The following NDST3 variants were observed in gnomAD, a reference collection of about 807,000 sequenced individuals.
NDST3 encodes the protein N-deacetylase and N-sulfotransferase 3, also known as bifunctional heparan sulfate N-deacetylase/N-sulfotransferase 3.
NDST3 carries 58 observed loss-of-function variants against 96.1 expected under a neutral mutation model. The observed-to-expected ratio is 0.60, with a 90% CI of 0.49 to 0.75. The LOEUF (loss-of-function observed/expected upper bound fraction) is 0.75. NDST3 is among the 30% of genes least tolerant of loss of function. NDST3 has a pLI of 0.00. For missense variants in NDST3, 788 were observed against 1,034.2 expected (o/e 0.76, Z 3.27); for synonymous variants, 333 against 359.7 (o/e 0.93, Z 0.84).
chr4:118,128,846 T>C (rs1255293759), intron 4 of NDST3, among the ~76,000 whole-genome samples: 1 of 152,072 alleles, frequency 6.6e-6, no homozygotes, highest in Admixed American at 6.6e-5. Flanking sequence ...GACGTTTTAT[T>C]ATGTCTTCAA....
intron 1 of NDST3, among the ~76,000 whole-genome samples, chr4:118,035,246 T>A (rs930135132): frequency 2.0e-5 from 3 of 152,156 alleles, no homozygotes; most frequent in Non-Finnish European, 4.4e-5. Flanking sequence ...AGTTATTTAA[T>A]GTCGAAAATG....
At chr4:118,240,950 A>G (rs75239004) in intron 11 of NDST3, among the ~76,000 whole-genome samples, 1 of 152,178 alleles carries the variant, frequency 6.6e-6, no homozygotes, top group African/African-American at 2.4e-5. Flanking sequence ...AGCTTTAGAT[A>G]CGATTCTTAT....
At chr4:118,081,329 C>T (rs1009869326) in intron 2 of NDST3, among the ~76,000 whole-genome samples, 2 of 152,136 alleles carry the variant, frequency 1.3e-5, no homozygotes, top group African/African-American at 4.8e-5. Flanking sequence ...CTTATGAATT[C>T]ATTATGCTCA....
chr4:118,200,425 C>T (rs10008013), intron 6 of NDST3, among the ~76,000 whole-genome samples: 25,761 of 152,098 alleles, frequency 0.17, 2,332 homozygotes, highest in South Asian at 0.23. Context: ...GCTGCCTGGC[C>T]TGGGACTCAC....
intron 6 of NDST3, among the ~76,000 whole-genome samples, chr4:118,196,015 T>C (rs1446844018): frequency 6.6e-6 from 1 of 152,240 alleles, no homozygotes; most frequent in Admixed American, 6.5e-5. Flanking sequence ...TGTTAAGGTA[T>C]GCTCCTTCTA....
At chr4:118,193,543 G>A (rs1737454593) in intron 6 of NDST3, 1 of 1,004,406 alleles carries the variant, frequency 1.0e-6, no homozygotes, top group East Asian at 2.4e-5. Flanking sequence ...TCTCAAACGT[G>A]TTGGCGTAGA....
At chr4:118,190,336 A>G (rs1474051110) in intron 6 of NDST3, among the ~76,000 whole-genome samples, 1 of 152,196 alleles carries the variant, frequency 6.6e-6, no homozygotes, top group African/African-American at 2.4e-5. Flanking sequence ...AAAAAAAGTC[A>G]AGGTATATAG....
At chr4:118,100,889 G>A (rs563527597) in intron 2 of NDST3, among the ~76,000 whole-genome samples, 6 of 152,268 alleles carry the variant, frequency 3.9e-5, no homozygotes, top group Non-Finnish European at 5.9e-5. Flanking sequence ...GTGTACACGC[G>A]TGTGTGTAGA....
At chr4:118,231,342 A>T (rs1175755096) in intron 8 of NDST3, among the ~76,000 whole-genome samples, 4 of 66,876 alleles carry the variant, frequency 6.0e-5, no homozygotes, top group Non-Finnish European at 9.6e-5. Flanking sequence ...TCTAAAAAAA[A>T]ATAAATAAAT....
At chr4:118,176,535 T>TGA (rs1156907878) in intron 6 of NDST3, among the ~76,000 whole-genome samples, 1 of 152,110 alleles carries the variant, frequency 6.6e-6, no homozygotes, top group African/African-American at 2.4e-5. Context: ...TTGCACGTGA[T>TGA]GAGTTCACTT....
At chr4:118,169,551 T>C (rs1199529815) in intron 6 of NDST3, among the ~76,000 whole-genome samples, 4 of 152,110 alleles carry the variant, frequency 2.6e-5, no homozygotes, top group Non-Finnish European at 4.4e-5. Context: ...CCTAGCACTT[T>C]GTGAGGCTGA....
chr4:118,227,515 A>C (rs944157378), intron 8 of NDST3, among the ~76,000 whole-genome samples: 1 of 152,102 alleles, frequency 6.6e-6, no homozygotes, highest in African/African-American at 2.4e-5. Context: ...GTGCTAAGAA[A>C]GGTGTTTATT....
chr4:118,190,243 C>T (rs1465868900), intron 6 of NDST3, among the ~76,000 whole-genome samples: 1 of 151,496 alleles, frequency 6.6e-6, no homozygotes, highest in African/African-American at 2.4e-5. Flanking sequence ...CAAATAAAAA[C>T]CATTTTATAA....
At chr4:118,104,356 A>T (rs994907785) in intron 2 of NDST3, among the ~76,000 whole-genome samples, 1 of 152,172 alleles carries the variant, frequency 6.6e-6, no homozygotes, top group Non-Finnish European at 1.5e-5. Flanking sequence ...AGACTTAAAG[A>T]TTGAGAAAGA....
intron 1 of NDST3, among the ~76,000 whole-genome samples, chr4:118,038,674 G>T (rs1159437410): frequency 1.3e-5 from 2 of 151,956 alleles, no homozygotes; most frequent in African/African-American, 4.8e-5. Context: ...ACATATTTGA[G>T]GCCTCCCACT....
intron 6 of NDST3, among the ~76,000 whole-genome samples, chr4:118,166,549 A>T (rs1056026262): frequency 1.3e-5 from 2 of 152,016 alleles, no homozygotes; most frequent in African/African-American, 2.4e-5. Flanking sequence ...AACTCAGTCT[A>T]TGAGGTCAGC....
At chr4:118,044,559 C>T (rs1242482523) in intron 1 of NDST3, among the ~76,000 whole-genome samples, 1 of 152,236 alleles carries the variant, frequency 6.6e-6, no homozygotes, top group Non-Finnish European at 1.5e-5. Context: ...GCCAGATCAA[C>T]TCTGTAAGAT....
chr4:118,147,673 C>T (rs1238048166), intron 6 of NDST3, among the ~76,000 whole-genome samples: 2 of 152,136 alleles, frequency 1.3e-5, no homozygotes, highest in East Asian at 1.9e-4. Context: ...TAACAAGTTT[C>T]CAGTTCCACC....
intron 6 of NDST3, among the ~76,000 whole-genome samples, chr4:118,211,965 GCCCC>G (rs1480300278): frequency 6.6e-6 from 1 of 152,068 alleles, no homozygotes; most frequent in East Asian, 1.9e-4. Context: ...ACGACTCAAA[GCCCC>G]TCACTTTTAT....
Sources: gnomAD v4.1 joint callset for allele counts (sites outside exome capture counted in the v4.1 genomes callset) on GRCh38, gnomAD v4.1.1 for gene constraint, MANE v1.5 for transcripts, NCBI Gene and HGNC (gene_info 2026-07-23, HGNC 2026-07-21) for gene names.